SIK2: variants seen among roughly 807,000 people sequenced by gnomAD.
SIK2 encodes salt inducible kinase 2, also known as serine/threonine-protein kinase SIK2.
Under a neutral mutation model 103.2 loss-of-function variants are expected in SIK2, and 29 were observed. That is an observed-to-expected ratio of 0.28 (90% CI 0.21 to 0.38). SIK2 has a LOEUF of 0.38. Ranked by LOEUF, SIK2 falls within the 10% of genes least tolerant of loss-of-function variation. The pLI, the probability that SIK2 is intolerant of heterozygous loss-of-function variation, is 1.00. For synonymous variants in SIK2, 412 were observed against 446.1 expected (o/e 0.92, Z 0.96); for missense variants, 879 against 1,171.0 (o/e 0.75, Z 3.64).
At chr11:111,624,812 G>A (rs1021816482) in intron 3 of SIK2, among the ~76,000 whole-genome samples, 1 of 151,938 alleles carries the variant, frequency 6.6e-6, no homozygotes, top group Non-Finnish European at 1.5e-5. Context: ...GTGGTCAGAG[G>A]CTGGTTGGTT....
chr11:111,660,344 A>G (rs1340727894), intron 3 of SIK2, among the ~76,000 whole-genome samples: 2 of 151,990 alleles, frequency 1.3e-5, no homozygotes, highest in Non-Finnish European at 2.9e-5. Flanking sequence ...TGCACCGTGT[A>G]TAAGCTCTTC....
chr11:111,628,164 T>C (rs1215422258), intron 3 of SIK2, among the ~76,000 whole-genome samples: 1 of 152,234 alleles, frequency 6.6e-6, no homozygotes, highest in Non-Finnish European at 1.5e-5. Flanking sequence ...TTATTTAATA[T>C]TATCCGTAGG....
At chr11:111,609,666 A>G (rs1941693818) in intron 1 of SIK2, among the ~76,000 whole-genome samples, 1 of 152,236 alleles carries the variant, frequency 6.6e-6, no homozygotes, top group African/African-American at 2.4e-5. Context: ...AATAATTTTA[A>G]AAGCCAAATT....
chr11:111,706,447 C>T (rs1041398210), intron 8 of SIK2, among the ~76,000 whole-genome samples: 1 of 152,066 alleles, frequency 6.6e-6, no homozygotes, highest in Non-Finnish European at 1.5e-5. Context: ...TTAGTATGCT[C>T]CATTGACTTT....
intron 3 of SIK2, among the ~76,000 whole-genome samples, chr11:111,644,371 A>C (rs1422605826): frequency 2.0e-5 from 3 of 152,126 alleles, no homozygotes. Flanking sequence ...AGTAAAGCCA[A>C]AGGAAACTTT....
chr11:111,648,441 G>C (rs1480308921), intron 3 of SIK2, among the ~76,000 whole-genome samples: 10 of 151,960 alleles, frequency 6.6e-5, no homozygotes, highest in Non-Finnish European at 1.5e-4. Flanking sequence ...TAGCTCTCTT[G>C]GGTCTCTTTT....
Position 111,720,888 on chromosome 11 carries a change from CTT to C in SIK2, c.1781-9_1781-8del. 1 of 1,612,524 alleles carries C rather than the reference CTT, an allele frequency of 6.2e-7. No individual in the cohort carries two copies. Among genetic ancestry groups the C allele is most frequent in the South Asian group, 1.1e-5 (1 of 90,636 alleles). The stretch of plus-strand genomic sequence containing the variant: ...TTAGTTAAACTGTTTGGTCTTGGTG[CTT>C]TCTTTCAGGAATTGTAGCATTTAGA... On this transcript the variant is annotated splice_polypyrimidine_tract_variant and intron_variant, in intron 11 of 14. Transcript: ENST00000304987.
At chr11:111,624,121 C>A (rs1361039140) in intron 3 of SIK2, among the ~76,000 whole-genome samples, 1 of 152,122 alleles carries the variant, frequency 6.6e-6, no homozygotes, top group Non-Finnish European at 1.5e-5. Flanking sequence ...TAGCCAAAAG[C>A]AGAATTATTT....
At chr11:111,613,156 T>TA (rs1050150870) in intron 1 of SIK2, among the ~76,000 whole-genome samples, 1 of 152,060 alleles carries the variant, frequency 6.6e-6, no homozygotes, top group African/African-American at 2.4e-5. Flanking sequence ...CAAAAGGGTA[T>TA]AAAAAAGGAG....
intron 8 of SIK2, among the ~76,000 whole-genome samples, chr11:111,708,847 CAA>C (rs1230356488): frequency 6.6e-6 from 1 of 152,130 alleles, no homozygotes; most frequent in Non-Finnish European, 1.5e-5. Flanking sequence ...CGTGACCTCC[CAA>C]AGTGTCGGGA....
At chr11:111,695,371 T>G (rs1201502400) in intron 4 of SIK2, among the ~76,000 whole-genome samples, 1 of 152,210 alleles carries the variant, frequency 6.6e-6, no homozygotes, top group Non-Finnish European at 1.5e-5. Context: ...TTACTTTTCC[T>G]TAGCTTGAAG....
At chr11:111,659,371 A>C (rs552696822) in intron 3 of SIK2, among the ~76,000 whole-genome samples, 2 of 152,286 alleles carry the variant, frequency 1.3e-5, no homozygotes, top group East Asian at 3.9e-4. Flanking sequence ...CACGCAACCC[A>C]ACTCTTGTGA....
At position 111,722,724 on chromosome 11, in the gene SIK2, G is replaced by A. The variant is rs34913489; in HGVS notation, c.2115G>A (p.Pro705=). 3.1e-4 allele frequency: 497 copies of A among 1,614,104 alleles called. No homozygotes were observed. In the African/African-American group the frequency reaches 4.6e-3, roughly 15 times the overall value. ...GTCAGCTTTATTGCAAAGAACCACC[G>A]CGGAGCCTTGAGCAGCAGCTGCAGG... ...NTCQLYCKEP[P]RSLEQQLQEH... is the part of the protein sequence containing the mutation. Residue 705 remains proline, a synonymous_variant, in exon 14 of 15, where the codon CCG becomes CCA. Coordinates refer to ENST00000304987, the MANE Select transcript of SIK2 (RefSeq NM_015191.3). This position sits in a 1 kb window ranked among gnomAD's most constrained non-coding sequence, Gnocchi z 4.4.
chr11:111,693,132 G>A (rs1340693872), intron 4 of SIK2, among the ~76,000 whole-genome samples: 1 of 152,064 alleles, frequency 6.6e-6, no homozygotes, highest in Admixed American at 6.5e-5. Flanking sequence ...AGGATTTCGA[G>A]ACCATCCTGG....
chr11:111,703,530 C>T (rs1943266681), intron 7 of SIK2, 107 bp downstream of exon 7: 6 of 935,810 alleles, frequency 6.4e-6, no homozygotes, highest in South Asian at 3.0e-5. Context: ...AGCGCCTAGG[C>T]GTACTGTTCA....
intron 3 of SIK2, among the ~76,000 whole-genome samples, chr11:111,656,505 A>T (rs1331178508): frequency 6.6e-6 from 1 of 152,204 alleles, no homozygotes; most frequent in Non-Finnish European, 1.5e-5. Context: ...ACCAGTTTTA[A>T]CATTCCATGA....
At chr11:111,672,366 G>A in intron 3 of SIK2, 1 of 527,308 alleles carries the variant, frequency 1.9e-6, no homozygotes, top group Non-Finnish European at 3.0e-6. Context: ...GGCCAGAGGT[G>A]GACACCTTGT....
At chr11:111,628,193 C>G (rs187100229) in intron 3 of SIK2, among the ~76,000 whole-genome samples, 59 of 152,194 alleles carry the variant, frequency 3.9e-4, no homozygotes, top group African/African-American at 1.3e-3. Context: ...ACCAAATTGC[C>G]GAGTATAGTG....
intron 3 of SIK2, among the ~76,000 whole-genome samples, chr11:111,644,873 T>C (rs1038329673): frequency 6.6e-6 from 1 of 152,238 alleles, no homozygotes; most frequent in Non-Finnish European, 1.5e-5. Flanking sequence ...GTCCTTCTGC[T>C]AAACTCCTGG....
Sources: allele counts gnomAD v4.1 joint callset (sites outside exome capture counted in the v4.1 genomes callset), GRCh38; gene constraint gnomAD v4.1.1; non-coding constraint Gnocchi (gnomAD v3.1); transcripts MANE v1.5; gene names NCBI Gene and HGNC (gene_info 2026-07-23, HGNC 2026-07-21).